RASEF: variants seen among roughly 807,000 people sequenced by gnomAD.
The protein encoded by RASEF is RAS and EF-hand domain containing, also known as ras and EF-hand domain-containing protein.
A neutral mutation model predicts 90.1 loss-of-function variants in RASEF; 68 were observed. The observed-to-expected ratio is 0.75, with a 90% confidence interval of 0.62 to 0.92. The LOEUF (loss-of-function observed/expected upper bound fraction) is 0.92, where lower values mean the gene tolerates loss of function less well. Ranked by LOEUF, RASEF falls within the 40% of genes least tolerant of loss-of-function variation. The pLI, the probability that RASEF is intolerant of heterozygous loss-of-function variation, is 0.00. For synonymous variants in RASEF, 331 were observed against 345.2 expected (o/e 0.96, Z 0.46); for missense variants, 949 against 937.2 (o/e 1.01, Z -0.16).
the RASEF span, among the ~76,000 whole-genome samples, chr9:83,103,783 A>T: frequency 6.6e-6 from 1 of 152,186 alleles, no homozygotes; most frequent in Non-Finnish European, 1.5e-5. Flanking sequence ...AGATGCCTTG[A>T]TCTTTTCACT....
At chr9:82,992,859 A>G (rs1474136278) in intron 15 of RASEF, 47 bp downstream of exon 15, 20 of 1,599,310 alleles carry the variant, frequency 1.3e-5, no homozygotes, top group Non-Finnish European at 1.7e-5. Context: ...CTTCAAAGCC[A>G]TTAAACCCCA....
intron 1 of RASEF, among the ~76,000 whole-genome samples, chr9:83,026,127 T>C (rs758017687): frequency 1.3e-5 from 2 of 152,156 alleles, no homozygotes; most frequent in African/African-American, 4.8e-5. Flanking sequence ...GCGAGGACAG[T>C]GAAAATGCAC....
chr9:83,036,581 C>T (rs1829745034), intron 1 of RASEF, among the ~76,000 whole-genome samples: 1 of 152,072 alleles, frequency 6.6e-6, no homozygotes. Flanking sequence ...ACTCTTCTGG[C>T]AGCAACAACC....
At chr9:83,201,797 T>G in the RASEF span, among the ~76,000 whole-genome samples, 2 of 152,092 alleles carry the variant, frequency 1.3e-5, no homozygotes, top group Admixed American at 6.6e-5. Context: ...CTCAAGTAGT[T>G]TAGCATTTTG....
At chr9:82,998,593 CT>C in intron 12 of RASEF, 147 bp from the exon 13 acceptor site, 1 of 581,934 alleles carries the variant, frequency 1.7e-6, no homozygotes, top group Non-Finnish European at 3.1e-6. Context: ...GGAGAGTGAC[CT>C]TCAAATAGGA....
chr9:83,150,997 G>A, the RASEF span, among the ~76,000 whole-genome samples: 7 of 152,176 alleles, frequency 4.6e-5, no homozygotes, highest in East Asian at 1.2e-3. Context: ...AGAATACCAC[G>A]TGTATTAAAA....
chr9:83,186,280 A>G, the RASEF span, among the ~76,000 whole-genome samples: 1 of 152,122 alleles, frequency 6.6e-6, no homozygotes, highest in Non-Finnish European at 1.5e-5. Context: ...TAAAAAAGCA[A>G]AGTAATCTAA....
the RASEF span, among the ~76,000 whole-genome samples, chr9:83,073,589 G>T: frequency 1.3e-5 from 2 of 152,188 alleles, no homozygotes; most frequent in African/African-American, 4.8e-5. Context: ...TGTGATGTGT[G>T]GGCTATCTGG....
chr9:82,982,828 AGAGAG>A, intron 16 of RASEF, 46 bp from the exon 17 acceptor site: 1 of 1,090,002 alleles, frequency 9.2e-7, no homozygotes, highest in Non-Finnish European at 1.4e-6. Flanking sequence ...AGAGAGAGAG[AGAGAG>A]GATTACTGAG....
At chr9:83,192,759 A>C in the RASEF span, among the ~76,000 whole-genome samples, 1 of 152,138 alleles carries the variant, frequency 6.6e-6, no homozygotes, top group Non-Finnish European at 1.5e-5. Flanking sequence ...ACCAGAAAAA[A>C]AAAAAAAAGA....
At chr9:83,117,042 T>C in the RASEF span, among the ~76,000 whole-genome samples, 2 of 152,190 alleles carry the variant, frequency 1.3e-5, no homozygotes, top group African/African-American at 4.8e-5. Flanking sequence ...CCTTATGACA[T>C]AAAAATTATA....
the RASEF span, among the ~76,000 whole-genome samples, chr9:83,174,520 C>T: frequency 3.9e-5 from 6 of 152,008 alleles, no homozygotes; most frequent in Admixed American, 1.3e-4. Context: ...TCTTTAAGTC[C>T]GTATCACACT....
At chr9:83,108,585 C>T in the RASEF span, among the ~76,000 whole-genome samples, 1 of 152,164 alleles carries the variant, frequency 6.6e-6, no homozygotes, top group South Asian at 2.1e-4. Flanking sequence ...CCCAAGAAAA[C>T]ACAGCTTCTT....
chr9:83,150,446 C>T, the RASEF span, among the ~76,000 whole-genome samples: 1 of 152,072 alleles, frequency 6.6e-6, no homozygotes, highest in Non-Finnish European at 1.5e-5. Flanking sequence ...TTCTATCACT[C>T]AGGGAATTCC....
At chr9:83,162,115 G>C in the RASEF span, among the ~76,000 whole-genome samples, 1 of 152,074 alleles carries the variant, frequency 6.6e-6, no homozygotes, top group Non-Finnish European at 1.5e-5. Flanking sequence ...AATAGATTGA[G>C]ATTATCTTTC....
intron 9 of RASEF, among the ~76,000 whole-genome samples, chr9:83,004,123 T>C (rs1027491169): frequency 6.6e-6 from 1 of 152,172 alleles, no homozygotes; most frequent in African/African-American, 2.4e-5. Context: ...TGCTGAGCTA[T>C]TAAATATTTA....
At chr9:82,993,379 T>C (rs1308772426) in intron 14 of RASEF, among the ~76,000 whole-genome samples, 1 of 152,172 alleles carries the variant, frequency 6.6e-6, no homozygotes, top group African/African-American at 2.4e-5. Flanking sequence ...CACATATCTG[T>C]TAATTTCTTA....
intron 16 of RASEF, among the ~76,000 whole-genome samples, chr9:82,987,628 G>A (rs1001625850): frequency 4.6e-5 from 7 of 152,218 alleles, no homozygotes; most frequent in East Asian, 3.9e-4. Context: ...AAAGAGAATC[G>A]ACTCTTCACC....
chr9:83,186,925 G>A, the RASEF span, among the ~76,000 whole-genome samples: 1 of 151,962 alleles, frequency 6.6e-6, no homozygotes, highest in African/African-American at 2.4e-5. Context: ...GATAGCAAAG[G>A]GTTCAGCCCC....
Sources: allele counts gnomAD v4.1 joint callset (sites outside exome capture counted in the v4.1 genomes callset), GRCh38; gene constraint gnomAD v4.1.1; transcripts MANE v1.5; gene names NCBI Gene and HGNC (gene_info 2026-07-23, HGNC 2026-07-21).